RERE: variants seen among roughly 807,000 people sequenced by gnomAD.
RERE encodes arginine-glutamic acid dipeptide repeats protein.
A neutral mutation model predicts 146.1 loss-of-function variants in RERE; 40 were observed. That is an observed-to-expected ratio of 0.27 (90% CI 0.21 to 0.36). The LOEUF is 0.36. Ranked by LOEUF, RERE falls within the 10% of genes least tolerant of loss-of-function variation. The pLI is 1.00. For synonymous variants in RERE, 1,003 were observed against 866.0 expected (o/e 1.16, Z -2.78); for missense variants, 1,933 against 2,138.7 (o/e 0.90, Z 1.90).
intron 1 of RERE, among the ~76,000 whole-genome samples, chr1:8,791,218 A>G (rs768642569): frequency 2.0e-5 from 3 of 152,224 alleles, no homozygotes; most frequent in Non-Finnish European, 4.4e-5. Context: ...CTGCCAAGAT[A>G]AACACCAACT....
chr1:8,701,287 T>TACACAC (rs745905637), intron 1 of RERE, among the ~76,000 whole-genome samples: 3,318 of 93,632 alleles, frequency 0.035, 56 homozygotes, highest in Middle Eastern at 0.044. Flanking sequence ...GTGAGGGGAA[T>TACACAC]ACACACACAC....
chr1:8,574,683 T>C (rs1239543859), intron 4 of RERE, among the ~76,000 whole-genome samples: 2 of 151,996 alleles, frequency 1.3e-5, no homozygotes, highest in African/African-American at 2.4e-5. Flanking sequence ...CACGAACAAA[T>C]ATATATTGCA....
chr1:8,609,684 G>C (rs1381655735), intron 4 of RERE, among the ~76,000 whole-genome samples: 1 of 152,060 alleles, frequency 6.6e-6, no homozygotes, highest in Non-Finnish European at 1.5e-5. Flanking sequence ...GCAACAAGTA[G>C]GTAACAAACG....
In RERE at chr1:8,558,782, C is replaced by A. The variant is rs948004209; in HGVS notation, c.523-1259G>T. ...ACTCAAATGTGAAGATGTGTTATTT[C>A]TTTTTTTTTTCCTTTTCTTTTTTTT... On this transcript the variant is annotated intron_variant, in intron 4 of 22. Transcript: ENST00000400908. Among the ~76,000 whole-genome samples the A allele has an allele frequency of 1.1e-4, 16 of 144,030 alleles. 1 individual carries two copies. In the South Asian group the frequency reaches 3.6e-3, roughly 32 times the overall value. The allele number at this position is 144,030 out of a possible 152,430, so 94.5% of individuals were successfully genotyped here.
chr1:8,427,988 G>A (rs977231035), intron 11 of RERE, among the ~76,000 whole-genome samples: 1 of 152,290 alleles, frequency 6.6e-6, no homozygotes, highest in South Asian at 2.1e-4. Context: ...GCCTCTAAAT[G>A]CAAGTTCATG....
chr1:8,355,909 T>C (rs899604028), intron 21 of RERE, among the ~76,000 whole-genome samples, 191 bp downstream of exon 21: 1 of 152,058 alleles, frequency 6.6e-6, no homozygotes, highest in African/African-American at 2.4e-5. Context: ...CTGATGCATT[T>C]ATGACCCCTA....
Position 8,362,848 on chromosome 1 carries a change from C to T in RERE, c.1741-4G>A, listed in dbSNP as rs920708199. On this transcript the variant is annotated splice_polypyrimidine_tract_variant and splice_region_variant and intron_variant, in intron 15 of 22. Transcript: ENST00000400908. ...GACCACTGCGTAGTGTCGACATCTGCCCACCCAAACCGAAGACTGGTGACA... is the reference window on the plus strand; with the variant it reads ...GACCACTGCGTAGTGTCGACATCTGTCCACCCAAACCGAAGACTGGTGACA... 8 of 1,606,360 alleles carry T rather than the reference C, an allele frequency of 5.0e-6. No individual in the cohort carries two copies. The South Asian group carries it at 8.9e-5, about 18-fold the overall frequency.
At chr1:8,502,564 G>A (rs1308876091) in intron 8 of RERE, among the ~76,000 whole-genome samples, 5 of 146,754 alleles carry the variant, frequency 3.4e-5, no homozygotes, top group Non-Finnish European at 7.5e-5. Context: ...CCTCTGCCCG[G>A]CCACGACCCC....
intron 4 of RERE, among the ~76,000 whole-genome samples, chr1:8,582,292 A>G (rs1319913597): frequency 6.6e-6 from 1 of 151,840 alleles, no homozygotes; most frequent in Non-Finnish European, 1.5e-5. Context: ...CAATAGCCTT[A>G]AACTCCTGGG....
intron 7 of RERE, among the ~76,000 whole-genome samples, chr1:8,530,674 G>GTT (rs1645632322): frequency 8.6e-6 from 1 of 116,916 alleles, no homozygotes; most frequent in African/African-American, 3.2e-5. Context: ...CTGAGTTTTC[G>GTT]TTTTCTTTTT....
intron 12 of RERE, among the ~76,000 whole-genome samples, chr1:8,395,148 T>C (rs1488674804): frequency 1.3e-5 from 2 of 152,068 alleles, no homozygotes; most frequent in Admixed American, 1.3e-4. Flanking sequence ...ATAAATCAAG[T>C]ACAAAGAAAC....
chr1:8,815,886 C>T (rs935514660), intron 1 of RERE, among the ~76,000 whole-genome samples: 2 of 149,752 alleles, frequency 1.3e-5, no homozygotes, highest in African/African-American at 2.4e-5. Flanking sequence ...TCTGCCTCTG[C>T]CTCTTTTCCC....
At chr1:8,767,994 A>T (rs1156991408) in intron 1 of RERE, among the ~76,000 whole-genome samples, 1 of 152,068 alleles carries the variant, frequency 6.6e-6, no homozygotes, top group East Asian at 1.9e-4. Flanking sequence ...AAAATAAAAT[A>T]AAAATGAATA....
chr1:8,653,694 CAAAAAA>C (rs775354970), intron 2 of RERE, among the ~76,000 whole-genome samples: 1 of 45,900 alleles, frequency 2.2e-5, no homozygotes, highest in Non-Finnish European at 4.6e-5. Flanking sequence ...GACTCCACCT[CAAAAAA>C]AAAAAAAAAA....
intron 10 of RERE, among the ~76,000 whole-genome samples, chr1:8,476,836 T>C (rs1192238469): frequency 6.6e-6 from 1 of 152,240 alleles, no homozygotes; most frequent in Admixed American, 6.5e-5. Context: ...TTTTTGGAAC[T>C]TTCCAGTATT....
intron 6 of RERE, among the ~76,000 whole-genome samples, chr1:8,551,334 T>C (rs1645933499): frequency 6.6e-6 from 1 of 152,192 alleles, no homozygotes; most frequent in Non-Finnish European, 1.5e-5. Flanking sequence ...TCCAGATCCT[T>C]GGATCCTTAA....
At chr1:8,367,380 G>T (rs763589609) in intron 12 of RERE, among the ~76,000 whole-genome samples, 10 of 152,160 alleles carry the variant, frequency 6.6e-5, no homozygotes, top group Non-Finnish European at 1.2e-4. Flanking sequence ...CTTATGCCTG[G>T]GCATTTTTGT....
rs78681787 is a variant in RERE at position 8,628,695 on chromosome 1, A to G, written c.326-4315T>C. ...AAGAAAATAATTTATATAAATGTTT[A>G]TAGCACAAAAATAAAGTGCTTTATT... On this transcript the variant is annotated intron_variant, in intron 2 of 22. Coordinates refer to ENST00000400908, the MANE Select transcript of RERE (RefSeq NM_001042681.2). 3.4e-3 allele frequency among the ~76,000 whole-genome samples: 516 copies of G among 152,342 alleles called. 16 individuals carry two copies. In the East Asian group the frequency reaches 0.08, roughly 24 times the overall value.
At chr1:8,751,081 A>G (rs1640525610) in intron 1 of RERE, 1 of 516,908 alleles carries the variant, frequency 1.9e-6, no homozygotes, top group Non-Finnish European at 3.5e-6. Flanking sequence ...CATGAGGCGG[A>G]ATGAAGAAAA....
Sources: gnomAD v4.1 joint callset for allele counts (sites outside exome capture counted in the v4.1 genomes callset) on GRCh38, gnomAD v4.1.1 for gene constraint, MANE v1.5 for transcripts, NCBI Gene and HGNC (gene_info 2026-07-23, HGNC 2026-07-21) for gene names.